The following CBLB variants were observed in gnomAD, a reference collection of about 807,000 sequenced individuals.
CBLB encodes E3 ubiquitin-protein ligase CBL-B.
Under a neutral mutation model 104.9 loss-of-function variants are expected in CBLB, and 31 were observed. The ratio of observed to expected loss-of-function variants is 0.30; its 90% CI spans 0.22 to 0.40. The LOEUF (loss-of-function observed/expected upper bound fraction) is 0.40. Among genes scored for constraint, CBLB ranks in the 10% least tolerant of loss-of-function variants. The probability of loss-of-function intolerance (pLI) is 1.00; values close to 1 mark genes in which losing one functional copy is unlikely to be tolerated. For synonymous variants in CBLB, 440 were observed against 422.6 expected (o/e 1.04, Z -0.51); for missense variants, 1,062 against 1,214.6 (o/e 0.87, Z 1.87).
At chr3:105,789,507 T>A (rs2081396400) in intron 3 of CBLB, among the ~76,000 whole-genome samples, 1 of 152,162 alleles carries the variant, frequency 6.6e-6, no homozygotes, top group Non-Finnish European at 1.5e-5. Flanking sequence ...TGCAATTAAT[T>A]CCCAAAACGT....
chr3:105,710,056 G>C (rs111898314), intron 10 of CBLB, among the ~76,000 whole-genome samples: 176 of 151,684 alleles, frequency 1.2e-3, no homozygotes, highest in African/African-American at 4.1e-3. Context: ...CATTTTTTTG[G>C]TCCCCATATC....
At chr3:105,693,288 T>G (rs370177310) in intron 13 of CBLB, among the ~76,000 whole-genome samples, 1 of 152,038 alleles carries the variant, frequency 6.6e-6, no homozygotes, top group South Asian at 2.1e-4. Context: ...CCTCAAGAGT[T>G]TAGGTAAGTC....
At chr3:105,698,741 A>T (rs1387415110) in intron 12 of CBLB, among the ~76,000 whole-genome samples, 1 of 152,080 alleles carries the variant, frequency 6.6e-6, no homozygotes, top group African/African-American at 2.4e-5. Flanking sequence ...AAATGGCACT[A>T]TTAGGTATGA....
chr3:105,808,817 T>C (rs1361879383), intron 3 of CBLB, among the ~76,000 whole-genome samples: 1 of 152,240 alleles, frequency 6.6e-6, no homozygotes, highest in Non-Finnish European at 1.5e-5. Context: ...AAAAATGCTT[T>C]CCTGTAACAG....
intron 3 of CBLB, among the ~76,000 whole-genome samples, chr3:105,819,282 T>C (rs2085484600): frequency 6.6e-6 from 1 of 151,594 alleles, no homozygotes; most frequent in Admixed American, 6.6e-5. Flanking sequence ...AGGCAAGGAG[T>C]TCGAGACCAG....
rs142901113 is a variant in CBLB, at chr3:105,767,744, T to C, written c.566+8652A>G. Reference sequence around the variant, plus strand: ...AGTTTTATGTGCCTTACAGGTAAGGTTTAGCTATTTTAAGCCGTCATAACA... The same window carrying C: ...AGTTTTATGTGCCTTACAGGTAAGGCTTAGCTATTTTAAGCCGTCATAACA... On this transcript the variant is annotated intron_variant, in intron 4 of 18. Coordinates refer to ENST00000394030, the MANE Select transcript of CBLB (RefSeq NM_170662.5). 7.0e-3 allele frequency among the ~76,000 whole-genome samples: 1,062 copies of C among 152,238 alleles called. 16 individuals carry two copies. Among genetic ancestry groups the C allele is most frequent in the African/African-American group, 0.024 (992 of 41,542 alleles).
At chr3:105,678,382 A>C in intron 17 of CBLB, 49 bp downstream of exon 17, 1 of 1,567,422 alleles carries the variant, frequency 6.4e-7, no homozygotes, top group Non-Finnish European at 8.8e-7. Flanking sequence ...ATGGTTTTGG[A>C]AATATTTTTG....
At chr3:105,788,655 G>T (rs2081298658) in intron 3 of CBLB, among the ~76,000 whole-genome samples, 1 of 152,106 alleles carries the variant, frequency 6.6e-6, no homozygotes, top group African/African-American at 2.4e-5. Flanking sequence ...AAAGTACTTA[G>T]CTAATTTTGT....
In CBLB at chr3:105,665,430, TATATATATATATACAC is replaced by T. The variant is rs1168186518; in HGVS notation, c.2689+4787_2689+4802del. Among the ~76,000 whole-genome samples, 14 of 128,960 alleles carry T rather than the reference TATATATATATATACAC, an allele frequency of 1.1e-4. 1 individual carries two copies. Among genetic ancestry groups the T allele is most frequent in the East Asian group, 9.1e-4 (4 of 4,382 alleles). The allele number at this position is 128,960 out of a possible 152,430, so 84.6% of individuals were successfully genotyped here. On this transcript the variant is annotated intron_variant, in intron 18 of 18. Transcript: ENST00000394030. Reference sequence around the variant, plus strand: ...ATAAATAAATAAATATATATATATATATATATATATATACACACACACACACATATATATACACACA... The same window carrying T: ...ATAAATAAATAAATATATATATATATACACACACACATATATATACACACA...
At chr3:105,698,978 G>A (rs2068746181) in intron 12 of CBLB, among the ~76,000 whole-genome samples, 1 of 151,946 alleles carries the variant, frequency 6.6e-6, no homozygotes, top group African/African-American at 2.4e-5. Flanking sequence ...GCATATCACA[G>A]CCATCCTCTC....
intron 10 of CBLB, among the ~76,000 whole-genome samples, chr3:105,714,395 C>A (rs2071537565): frequency 6.6e-6 from 1 of 152,072 alleles, no homozygotes. Flanking sequence ...TAATTATAAA[C>A]CTCACCATAA....
At chr3:105,773,646 A>T (rs1479499485) in intron 4 of CBLB, among the ~76,000 whole-genome samples, 1 of 152,204 alleles carries the variant, frequency 6.6e-6, no homozygotes, top group Non-Finnish European at 1.5e-5. Flanking sequence ...TCATGCTTAA[A>T]GTTTCTGGAT....
chr3:105,696,955 T>G (rs1284803213), intron 12 of CBLB, among the ~76,000 whole-genome samples: 3 of 151,938 alleles, frequency 2.0e-5, no homozygotes, highest in Non-Finnish European at 4.4e-5. Context: ...TCTTTTAATG[T>G]TTATAGCCAG....
Position 105,829,638 on chromosome 3 carries a change from T to C in CBLB, c.419+23776A>G, listed in dbSNP as rs936679986. On this transcript the variant is annotated intron_variant, in intron 3 of 18. Transcript: ENST00000394030. ...GAGCTGTGTTCATGCCACCACACCA[T>C]AGCCAGAGCGACACAGCAAGACCGT... 7.2e-5 allele frequency among the ~76,000 whole-genome samples: 8 copies of C among 111,002 alleles called. No homozygotes were observed. In the South Asian group the frequency reaches 9.5e-4, roughly 13 times the overall value. 72.8% of individuals were successfully genotyped at this position (111,002 alleles called of 152,430 possible).
chr3:105,713,189 T>C (rs1384750969), intron 10 of CBLB, among the ~76,000 whole-genome samples: 2 of 152,114 alleles, frequency 1.3e-5, no homozygotes, highest in African/African-American at 4.8e-5. Context: ...GCTTTTTATA[T>C]ATATGAACTC....
chr3:105,710,188 T>G (rs928333542), intron 10 of CBLB, among the ~76,000 whole-genome samples: 1 of 151,918 alleles, frequency 6.6e-6, no homozygotes, highest in Non-Finnish European at 1.5e-5. Flanking sequence ...GACTTTTTCA[T>G]GGTAGAGATT....
At chr3:105,713,062 G>T (rs948253725) in intron 10 of CBLB, among the ~76,000 whole-genome samples, 9 of 152,206 alleles carry the variant, frequency 5.9e-5, no homozygotes, top group Middle Eastern at 3.4e-3. Flanking sequence ...TTGAGGCCAG[G>T]ATTTCAAGAC....
At chr3:105,701,000 ATAT>A (rs1199491654) in intron 12 of CBLB, among the ~76,000 whole-genome samples, 26 of 152,216 alleles carry the variant, frequency 1.7e-4, no homozygotes, top group African/African-American at 5.3e-4. Flanking sequence ...GATCACTTTA[ATAT>A]TATAGTCTTC....
intron 11 of CBLB, among the ~76,000 whole-genome samples, chr3:105,703,727 A>C (rs1197473708): frequency 1.3e-5 from 2 of 152,188 alleles, no homozygotes; most frequent in Non-Finnish European, 2.9e-5. Flanking sequence ...CTATTTTACA[A>C]AATAACTATA....
Sources: gnomAD v4.1 joint callset for allele counts (sites outside exome capture counted in the v4.1 genomes callset) on GRCh38, gnomAD v4.1.1 for gene constraint, MANE v1.5 for transcripts, NCBI Gene and HGNC (gene_info 2026-07-23, HGNC 2026-07-21) for gene names.